CSMD1: variants seen among roughly 807,000 people sequenced by gnomAD.
CSMD1 encodes CUB and Sushi multiple domains 1, also known as CUB and sushi domain-containing protein 1.
Under a neutral mutation model 417.5 loss-of-function variants are expected in CSMD1, and 213 were observed. That is an observed-to-expected ratio of 0.51 (90% CI 0.46 to 0.57). The LOEUF is 0.57. Among genes scored for constraint, CSMD1 ranks in the 20% least tolerant of loss-of-function variants. The pLI is 0.00. For synonymous variants in CSMD1, 2,862 were observed against 1,736.8 expected, an observed-to-expected ratio of 1.65 and a Z score of -16.11; for missense variants, 6,923 against 4,529.7, an observed-to-expected ratio of 1.53 and a Z score of -15.17.
chr8:4,759,313 T>C (rs1174146755), intron 1 of CSMD1, among the ~76,000 whole-genome samples: 3 of 152,192 alleles, frequency 2.0e-5, no homozygotes, highest in Admixed American at 2.0e-4. Context: ...AGAGGGCATC[T>C]GGTCTGAAAG....
At chr8:4,216,204 C>A (rs73658489) in intron 3 of CSMD1, among the ~76,000 whole-genome samples, 1 of 152,064 alleles carries the variant, frequency 6.6e-6, no homozygotes, top group Non-Finnish European at 1.5e-5. Context: ...ATTGCGATGG[C>A]CTTCTTCCTT....
chr8:4,970,361 A>T (rs1810162277), intron 1 of CSMD1, among the ~76,000 whole-genome samples: 1 of 152,168 alleles, frequency 6.6e-6, no homozygotes, highest in Admixed American at 6.6e-5. Context: ...AAAAGATTCA[A>T]AAATGGTATC....
intron 2 of CSMD1, among the ~76,000 whole-genome samples, chr8:4,432,580 G>A (rs987447893): frequency 1.3e-5 from 2 of 152,094 alleles, no homozygotes; most frequent in South Asian, 2.1e-4. Flanking sequence ...AAGACAGGCA[G>A]TAAAGCTCAC....
At chr8:4,243,704 T>C (rs1468605383) in intron 3 of CSMD1, among the ~76,000 whole-genome samples, 1 of 152,186 alleles carries the variant, frequency 6.6e-6, no homozygotes, top group Non-Finnish European at 1.5e-5. Context: ...TCTCATGGTA[T>C]CGTACATCCA....
intron 2 of CSMD1, among the ~76,000 whole-genome samples, chr8:4,618,312 G>A (rs1431043926): frequency 7.3e-6 from 1 of 137,512 alleles, no homozygotes; most frequent in Admixed American, 7.2e-5. Context: ...CTCATAAGCA[G>A]GAAATCCAGG....
intron 1 of CSMD1, among the ~76,000 whole-genome samples, chr8:4,780,309 A>T (rs1374327088): frequency 5.9e-5 from 9 of 152,168 alleles, no homozygotes; most frequent in Admixed American, 4.6e-4. Flanking sequence ...GCGCTATATA[A>T]TGGGGCTTTG....
intron 50 of CSMD1, among the ~76,000 whole-genome samples, chr8:3,047,028 T>C (rs76745213): frequency 0.26 from 39,203 of 151,616 alleles, 5,754 homozygotes; most frequent in East Asian, 0.36. Context: ...GCCAACATGG[T>C]GAAACCCTGT....
chr8:4,041,759 G>C (rs959213059), intron 3 of CSMD1, among the ~76,000 whole-genome samples: 1 of 152,056 alleles, frequency 6.6e-6, no homozygotes, highest in Non-Finnish European at 1.5e-5. Flanking sequence ...GGTGATGATG[G>C]AACATGTTGT....
intron 1 of CSMD1, among the ~76,000 whole-genome samples, chr8:4,913,273 G>T (rs569164357): frequency 1.3e-5 from 2 of 152,278 alleles, no homozygotes; most frequent in African/African-American, 4.8e-5. Flanking sequence ...TCCTGCCACA[G>T]GTTTGTGGAT....
At chr8:4,339,447 C>G (rs1388967150) in intron 3 of CSMD1, among the ~76,000 whole-genome samples, 1 of 152,050 alleles carries the variant, frequency 6.6e-6, no homozygotes, top group African/African-American at 2.4e-5. Flanking sequence ...GTGTTTGAAT[C>G]AGCTGTACAA....
chr8:3,295,650 G>A (rs566777008), intron 25 of CSMD1, among the ~76,000 whole-genome samples: 7 of 152,124 alleles, frequency 4.6e-5, no homozygotes, highest in African/African-American at 1.2e-4. Context: ...TTGCTAACTC[G>A]CTCTCCCTTG....
At chr8:4,321,903 T>G (rs1799292584) in intron 3 of CSMD1, among the ~76,000 whole-genome samples, 2 of 152,152 alleles carry the variant, frequency 1.3e-5, no homozygotes, top group Admixed American at 1.3e-4. Flanking sequence ...TTTATTAGAC[T>G]TTTGCCTTTT....
chr8:4,109,080 C>G (rs879169383), intron 3 of CSMD1, among the ~76,000 whole-genome samples: 4 of 152,120 alleles, frequency 2.6e-5, no homozygotes, highest in African/African-American at 7.2e-5. Flanking sequence ...TGCATATAAC[C>G]GCATCCATTC....
chr8:3,150,317 C>T (rs1463034358), intron 40 of CSMD1, among the ~76,000 whole-genome samples: 1 of 152,220 alleles, frequency 6.6e-6, no homozygotes, highest in East Asian at 1.9e-4. Context: ...AGGCCGTCCC[C>T]ATCGAGCTGC....
chr8:3,221,840 T>G (rs1798235454), intron 28 of CSMD1, among the ~76,000 whole-genome samples: 1 of 152,108 alleles, frequency 6.6e-6, no homozygotes, highest in African/African-American at 2.4e-5. Context: ...TGGGAGCCCA[T>G]ATGTCCTTCA....
At chr8:3,899,027 A>G (rs900915606) in intron 5 of CSMD1, among the ~76,000 whole-genome samples, 2 of 152,214 alleles carry the variant, frequency 1.3e-5, no homozygotes, top group Admixed American at 6.5e-5. Flanking sequence ...CAAAGGTCGT[A>G]CGCGTCCAGG....
At chr8:3,314,284 G>C (rs1221580348) in intron 23 of CSMD1, among the ~76,000 whole-genome samples, 1 of 152,056 alleles carries the variant, frequency 6.6e-6, no homozygotes, top group Non-Finnish European at 1.5e-5. Context: ...GTTTTTAAAG[G>C]ATATGTTTAA....
chr8:3,862,628 G>T (rs893342529), intron 5 of CSMD1, among the ~76,000 whole-genome samples: 1 of 152,080 alleles, frequency 6.6e-6, no homozygotes. Flanking sequence ...TTCTCTATTT[G>T]CTGAATAAAC....
intron 5 of CSMD1, among the ~76,000 whole-genome samples, chr8:3,868,276 G>A (rs973569663): frequency 6.6e-6 from 1 of 152,096 alleles, no homozygotes; most frequent in Non-Finnish European, 1.5e-5. Flanking sequence ...TCTGAAGTGT[G>A]CCTTTTCAGT....
Sources: allele counts gnomAD v4.1 joint callset (sites outside exome capture counted in the v4.1 genomes callset), GRCh38; gene constraint gnomAD v4.1.1; transcripts MANE v1.5; gene names NCBI Gene and HGNC (gene_info 2026-07-23, HGNC 2026-07-21).